The following RELCH variants were observed in gnomAD, a reference collection of about 807,000 sequenced individuals.
RELCH encodes the protein RAB11-binding protein RELCH.
Under a neutral mutation model 150.3 loss-of-function variants are expected in RELCH, and 41 were observed. That is an observed-to-expected ratio of 0.27 (90% CI 0.21 to 0.35). RELCH has a LOEUF of 0.35. Ranked by LOEUF, RELCH falls within the 10% of genes least tolerant of loss-of-function variation. RELCH has a pLI of 1.00. For missense variants in RELCH, 1,092 were observed against 1,467.8 expected (o/e 0.74, Z 4.18); for synonymous variants, 478 against 531.8 (o/e 0.90, Z 1.39).
intron 2 of RELCH, among the ~76,000 whole-genome samples, chr18:62,214,913 G>A (rs1389351233): frequency 6.6e-6 from 1 of 152,162 alleles, no homozygotes; most frequent in Non-Finnish European, 1.5e-5. Flanking sequence ...CTGGGCCTGT[G>A]ATAGGAGGGA....
At chr18:62,247,393 A>G (rs1014487311) in intron 11 of RELCH, 1 of 152,176 alleles carries the variant, frequency 6.6e-6, no homozygotes, top group African/African-American at 2.4e-5. Flanking sequence ...GCCAAAATAA[A>G]TGTAGGCTTA....
chr18:62,240,185 G>A (rs2042074252), intron 10 of RELCH, among the ~76,000 whole-genome samples: 1 of 151,748 alleles, frequency 6.6e-6, no homozygotes, highest in Non-Finnish European at 1.5e-5. Flanking sequence ...ATAAGCCAAG[G>A]ATATCTTAGC....
At chr18:62,212,705 A>T (rs1340430003) in intron 2 of RELCH, among the ~76,000 whole-genome samples, 2 of 152,182 alleles carry the variant, frequency 1.3e-5, no homozygotes, top group Non-Finnish European at 2.9e-5. Context: ...GAAATTATGT[A>T]AGACTTAGTA....
chr18:62,239,403 C>G (rs1475778923), intron 10 of RELCH, among the ~76,000 whole-genome samples: 1 of 150,302 alleles, frequency 6.7e-6, no homozygotes, highest in Non-Finnish European at 1.5e-5. Context: ...TGAACAGGAA[C>G]AAGCTGAAAA....
At chr18:62,265,183 T>C (rs1004969947) in intron 18 of RELCH, among the ~76,000 whole-genome samples, 1 of 152,088 alleles carries the variant, frequency 6.6e-6, no homozygotes, top group Non-Finnish European at 1.5e-5. Flanking sequence ...TGGTACTTAC[T>C]GTCTATCACA....
intron 14 of RELCH, 92 bp from the exon 15 acceptor site, chr18:62,258,420 T>C (rs2144653489): frequency 1.8e-6 from 2 of 1,140,176 alleles, no homozygotes; most frequent in East Asian, 2.6e-5. Context: ...AATATGTTCT[T>C]AATTTATTGA....
intron 9 of RELCH, 22 bp from the exon 10 acceptor site, chr18:62,232,310 T>C (rs371545210): frequency 1.1e-4 from 163 of 1,501,556 alleles, no homozygotes; most frequent in African/African-American, 2.8e-5. Flanking sequence ...TATCATTGTT[T>C]ATTAATTCTT....
rs1224235252 is a variant in RELCH, at chr18:62,227,684, T to A, written c.1149T>A (p.Leu383=). 23 of 1,499,712 alleles carry A rather than the reference T, an allele frequency of 1.5e-5. No homozygotes were observed. Among genetic ancestry groups the A allele is most frequent in the Middle Eastern group, 1.7e-4 (1 of 5,716 alleles). 92.9% of individuals were successfully genotyped at this position (1,499,712 alleles called of 1,614,324 possible). Residue 383 remains leucine, a synonymous_variant, in exon 7 of 29, where the codon CTT becomes CTA. Coordinates refer to ENST00000644646, the MANE Select transcript of RELCH (RefSeq NM_001346231.2). ...KWSLMEQIRR[L]KSEMDFLKNE... ...CATTGATGGAGCAAATCAGAAGACT[T>A]AAAAGGTTAGTACTTGATCATTATT...
At chr18:62,216,964 T>G (rs1247322335) in intron 2 of RELCH, among the ~76,000 whole-genome samples, 1 of 152,040 alleles carries the variant, frequency 6.6e-6, no homozygotes, top group African/African-American at 2.4e-5. Flanking sequence ...TTTGTCAGAT[T>G]TAAAATAGGA....
At chr18:62,274,194 C>T (rs1009976433) in intron 21 of RELCH, 108 bp downstream of exon 21, 2 of 671,394 alleles carry the variant, frequency 3.0e-6, no homozygotes, top group African/African-American at 1.9e-5. Flanking sequence ...CACCAATTCT[C>T]TTGGTTTTGA....
In RELCH at chr18:62,275,476, A is replaced by C. The variant is rs771043081; in HGVS notation, c.2967+3A>C. ...GTACTGCTGCTAGAATGTTTGAGGT[A>C]TGTCAACACATGCCTCTGTTGGTTT... On this transcript the variant is annotated splice_donor_region_variant and intron_variant, in intron 22 of 28. Transcript: ENST00000644646. 6.5e-7 allele frequency: 1 copy of C among 1,542,960 alleles called. No individual in the cohort carries two copies. Among genetic ancestry groups the C allele is most frequent in the Non-Finnish European group, 9.0e-7 (1 of 1,117,272 alleles).
intron 1 of RELCH, among the ~76,000 whole-genome samples, chr18:62,195,102 T>C (rs1599767346): frequency 6.6e-6 from 1 of 152,216 alleles, no homozygotes; most frequent in East Asian, 1.9e-4. Flanking sequence ...CTTTATAAGT[T>C]TGATGTTTTC....
At chr18:62,253,140 C>T (rs2042812050) in intron 12 of RELCH, among the ~76,000 whole-genome samples, 1 of 151,864 alleles carries the variant, frequency 6.6e-6, no homozygotes. Flanking sequence ...GGAATGCTCT[C>T]CTATGAAGGG....
intron 11 of RELCH, among the ~76,000 whole-genome samples, chr18:62,250,962 G>C (rs1209092366): frequency 1.3e-5 from 2 of 152,052 alleles, no homozygotes; most frequent in African/African-American, 2.4e-5. Context: ...AGGTTTTACT[G>C]TTTTAAAGTG....
rs531675015 is a variant in RELCH at position 62,295,297 on chromosome 18, C to A, written c.3460-3493C>A. 2.4e-4 allele frequency among the ~76,000 whole-genome samples: 36 copies of A among 150,652 alleles called. 1 individual carries two copies. The South Asian group carries it at 7.3e-3, about 31-fold the overall frequency. ...AACACGCTGGGACTACAGGCGTGAG[C>A]CACCATCCCCAGCCTGGTGTGTTTT... On this transcript the variant is annotated intron_variant, in intron 27 of 28. Transcript: ENST00000644646.
intron 20 of RELCH, among the ~76,000 whole-genome samples, chr18:62,271,610 T>G (rs1411685629): frequency 6.6e-6 from 1 of 152,210 alleles, no homozygotes; most frequent in East Asian, 1.9e-4. Context: ...CATTTGTCTA[T>G]TTTGGCTTTT....
chr18:62,280,508 C>T (rs2044454845), intron 23 of RELCH, 138 bp from the exon 24 acceptor site: 9 of 1,484,744 alleles, frequency 6.1e-6, no homozygotes, highest in African/African-American at 5.6e-5. Context: ...TCTTGGTCTG[C>T]TTTTTTTAAA....
At chr18:62,215,524 CAA>C (rs2040426121) in intron 2 of RELCH, among the ~76,000 whole-genome samples, 1 of 152,096 alleles carries the variant, frequency 6.6e-6, no homozygotes, top group African/African-American at 2.4e-5. Flanking sequence ...CATATTCCTT[CAA>C]AGAGGAAGGG....
intron 1 of RELCH, 129 bp downstream of exon 1, chr18:62,188,160 G>C (rs913854853): frequency 9.0e-7 from 1 of 1,116,260 alleles, no homozygotes; most frequent in African/African-American, 1.6e-5. Context: ...ATTGGGGTGG[G>C]GGCGCTCTTT....
Sources: gnomAD v4.1 joint callset for allele counts (sites outside exome capture counted in the v4.1 genomes callset) on GRCh38, gnomAD v4.1.1 for gene constraint, MANE v1.5 for transcripts, NCBI Gene and HGNC (gene_info 2026-07-23, HGNC 2026-07-21) for gene names.